ZBTB40: variants seen among roughly 807,000 people sequenced by gnomAD.
ZBTB40 encodes zinc finger and BTB domain containing 40, also known as zinc finger and BTB domain-containing protein 40.
ZBTB40 carries 60 observed loss-of-function variants against 117.5 expected under a neutral mutation model. The observed-to-expected ratio is 0.51, with a 90% CI of 0.41 to 0.63. The LOEUF is 0.63. ZBTB40 is among the 30% of genes least tolerant of loss of function. The pLI is 0.00. For synonymous variants in ZBTB40, 525 were observed against 577.1 expected, an observed-to-expected ratio of 0.91 and a Z score of 1.29; for missense variants, 1,287 against 1,498.5, an observed-to-expected ratio of 0.86 and a Z score of 2.33.
At position 22,526,186 on chromosome 1, in the gene ZBTB40, G is replaced by A. The variant is rs368545947; in HGVS notation, c.3526-16G>A. Reference sequence around the variant, plus strand: ...TGAACACTGCCCAGAGCAGCCTCACGGTCTTTCTCTTTCAGGTGATCCAAA... The same window carrying A: ...TGAACACTGCCCAGAGCAGCCTCACAGTCTTTCTCTTTCAGGTGATCCAAA... On this transcript the variant is annotated splice_polypyrimidine_tract_variant and intron_variant, in intron 17 of 17. Transcript: ENST00000375647. The A allele has an allele frequency of 1.7e-5, 27 of 1,613,956 alleles. No individual in the cohort carries two copies. The highest frequency in any genetic ancestry group is 3.3e-5 in the Admixed American group (2 of 60,006).
In ZBTB40 at chr1:22,511,093, C is replaced by CTT. The variant is rs34404742; in HGVS notation, c.1834-70_1834-69dup. On this transcript the variant is annotated intron_variant, in intron 9 of 17. Transcript: ENST00000375647. Reference sequence around the variant, plus strand: ...TGGAGCAGTGCCTTCCTGGGATTAGCTTTTTTTTTTTTTTTTTAGGTTGAA... The same window carrying CTT: ...TGGAGCAGTGCCTTCCTGGGATTAGCTTTTTTTTTTTTTTTTTTTAGGTTGAA... 733 of 1,342,166 alleles carry CTT rather than the reference C, an allele frequency of 5.5e-4. No homozygotes were observed. In the Admixed American group the frequency reaches 7.2e-3, roughly 13 times the overall value. 83.1% of individuals were successfully genotyped at this position (1,342,166 alleles called of 1,614,324 possible).
chr1:22,448,891 C>A (rs994922488), upstream of ZBTB40, among the ~76,000 whole-genome samples: 1 of 152,056 alleles, frequency 6.6e-6, no homozygotes, highest in Non-Finnish European at 1.5e-5. Context: ...CGGCTCACTG[C>A]AACCTCTGCC....
chr1:22,488,806 G>T (rs1418496356), intron 1 of ZBTB40, among the ~76,000 whole-genome samples: 3 of 152,178 alleles, frequency 2.0e-5, no homozygotes, highest in Non-Finnish European at 4.4e-5. Context: ...GGATGAGGTA[G>T]GGGTAGCAGT....
intron 1 of ZBTB40, among the ~76,000 whole-genome samples, chr1:22,485,926 A>C (rs1225990333): frequency 1.3e-5 from 2 of 150,914 alleles, no homozygotes; most frequent in Non-Finnish European, 3.0e-5. Flanking sequence ...CTCTGCTTAC[A>C]TTATCCATCT....
chr1:22,478,135 G>GT (rs780414574), intron 1 of ZBTB40, among the ~76,000 whole-genome samples: 96 of 152,312 alleles, frequency 6.3e-4, no homozygotes, highest in Middle Eastern at 3.4e-3. Context: ...GGATTACAGT[G>GT]TTTAACAGTA....
intron 12 of ZBTB40, 21 bp from the exon 13 acceptor site, chr1:22,517,279 T>C (rs1478726926): frequency 6.2e-7 from 1 of 1,613,670 alleles, no homozygotes; most frequent in Non-Finnish European, 8.5e-7. Flanking sequence ...CTGACTCTAA[T>C]AAGCTCCTGT....
intron 1 of ZBTB40, among the ~76,000 whole-genome samples, chr1:22,482,967 T>C (rs533919664): frequency 8.6e-4 from 131 of 151,610 alleles, no homozygotes; most frequent in Admixed American, 1.4e-3. Context: ...TAGTCCTAGC[T>C]ACTCGGGAGG....
chr1:22,520,037 C>T, intron 13 of ZBTB40, 24 bp from the exon 14 acceptor site: 3 of 1,610,434 alleles, frequency 1.9e-6, no homozygotes, highest in South Asian at 1.1e-5. Flanking sequence ...ACCTCTTCCT[C>T]TCATGGATGT....
chr1:22,527,944 G>A lies in ZBTB40; in HGVS notation c.*1548G>A, dbSNP rs1282951946. 2.6e-5 allele frequency: 4 copies of A among 152,404 alleles called. No individual in the cohort carries two copies. Among genetic ancestry groups the A allele is most frequent in the Non-Finnish European group, 4.4e-5 (3 of 68,022 alleles). The allele number at this position is 152,404 out of a possible 1,614,324, so 9.4% of individuals were successfully genotyped here. On this transcript the variant is annotated 3_prime_UTR_variant, in exon 18 of 18. Coordinates refer to ENST00000375647, the MANE Select transcript of ZBTB40 (RefSeq NM_014870.4). ...CAGCCTGGGACAGCTCATCCCAGCC[G>A]ACTACACCTGCTTCTGGTCCTGTCC...
At chr1:22,509,443 T>C (rs143230055) in intron 9 of ZBTB40, among the ~76,000 whole-genome samples, 57 of 152,078 alleles carry the variant, frequency 3.7e-4, no homozygotes, top group African/African-American at 1.3e-3. Flanking sequence ...GCCTTCCGGG[T>C]TCAAGCGATT....
chr1:22,508,752 G>A (rs748198640), intron 8 of ZBTB40, 21 bp downstream of exon 8: 2 of 1,611,416 alleles, frequency 1.2e-6, no homozygotes, highest in Admixed American at 1.7e-5. Flanking sequence ...TGCCCTCTGG[G>A]GGGGTTTTGC....
At chr1:22,524,183 C>T in intron 16 of ZBTB40, 35 bp from the exon 17 acceptor site, 1 of 1,601,768 alleles carries the variant, frequency 6.2e-7, no homozygotes, top group South Asian at 1.1e-5. Context: ...AGAATTTTAC[C>T]CACAGCCCTC....
chr1:22,486,256 G>A (rs1638462658), intron 1 of ZBTB40, among the ~76,000 whole-genome samples: 1 of 152,160 alleles, frequency 6.6e-6, no homozygotes, highest in South Asian at 2.1e-4. Context: ...TCAATCTTTT[G>A]GTGAGCTTGT....
chr1:22,470,402 G>A (rs1161334009), intron 1 of ZBTB40, among the ~76,000 whole-genome samples: 7 of 152,154 alleles, frequency 4.6e-5, no homozygotes, highest in Admixed American at 4.6e-4. Flanking sequence ...AGTGGGTGGG[G>A]GAACAGAGAA....
intron 1 of ZBTB40, among the ~76,000 whole-genome samples, chr1:22,472,595 G>C (rs966251820): frequency 1.3e-5 from 2 of 152,230 alleles, no homozygotes; most frequent in African/African-American, 4.8e-5. Context: ...TGGGAGAGAA[G>C]TAGAGGTGTT....
chr1:22,431,763 T>C (rs1445563110), intron 1 of ZBTB40, among the ~76,000 whole-genome samples: 1 of 151,936 alleles, frequency 6.6e-6, no homozygotes, highest in Non-Finnish European at 1.5e-5. Flanking sequence ...TGCTGATAAA[T>C]GTGGCCCTTT....
At chr1:22,521,893 G>C (rs1639537903) in intron 15 of ZBTB40, among the ~76,000 whole-genome samples, 1 of 152,206 alleles carries the variant, frequency 6.6e-6, no homozygotes, top group Non-Finnish European at 1.5e-5. Context: ...CCCTGAGTGA[G>C]AGCTTGTTGG....
rs1203038164 is a variant in ZBTB40, at chr1:22,484,542, T to C, written c.-69-5338T>C. 2.0e-5 allele frequency among the ~76,000 whole-genome samples: 3 copies of C among 152,222 alleles called. No homozygotes were observed. In the East Asian group the frequency reaches 5.8e-4, roughly 29 times the overall value. On this transcript the variant is annotated intron_variant, in intron 1 of 17. Transcript: ENST00000375647. Reference sequence around the variant, plus strand: ...CTCTTATTAGTTCCAGGAGGTTTTTTGTCATTTCTCTTTAATTTTCTGTAA... The same window carrying C: ...CTCTTATTAGTTCCAGGAGGTTTTTCGTCATTTCTCTTTAATTTTCTGTAA...
At chr1:22,474,577 C>T (rs777633644) in intron 1 of ZBTB40, among the ~76,000 whole-genome samples, 39 of 152,030 alleles carry the variant, frequency 2.6e-4, no homozygotes, top group Non-Finnish European at 4.0e-4. Flanking sequence ...TGTAGCAAAC[C>T]CCTCATTTCT....
Sources: allele counts gnomAD v4.1 joint callset (sites outside exome capture counted in the v4.1 genomes callset), GRCh38; gene constraint gnomAD v4.1.1; transcripts MANE v1.5; gene names NCBI Gene and HGNC (gene_info 2026-07-23, HGNC 2026-07-21).